PRKCSH: variants seen among roughly 807,000 people sequenced by gnomAD.
PRKCSH encodes PRKCSH beta subunit of glucosidase II.
In PRKCSH, 42 loss-of-function variants were observed where a neutral mutation model predicts 79.7. The observed-to-expected ratio is 0.53, with a 90% CI of 0.41 to 0.68. The LOEUF is 0.68. Ranked by LOEUF, PRKCSH falls within the 30% of genes least tolerant of loss-of-function variation. The pLI is 0.00. For missense variants in PRKCSH, 686 were observed against 709.0 expected (o/e 0.97, Z 0.37); for synonymous variants, 325 against 288.2 (o/e 1.13, Z -1.29).
Position 11,447,463 on chromosome 19 carries a change from C to T in PRKCSH, c.874C>T (p.Pro292Ser), listed in dbSNP as rs1568368823. 17 of 1,613,958 alleles carry T rather than the reference C, an allele frequency of 1.1e-5. No homozygotes were observed. Among genetic ancestry groups the T allele is most frequent in the Non-Finnish European group, 1.3e-5 (15 of 1,180,030 alleles). ...SEALPTDLPAPSAPDLTEPKE... is the reference protein window; with the variant it reads ...SEALPTDLPASSAPDLTEPKE... Reference sequence around the variant, plus strand: ...GGCACTGCCCACCGACCTTCCAGCACCTTCTGCCCCTGACTTGACGGAGCC... The same window carrying T: ...GGCACTGCCCACCGACCTTCCAGCATCTTCTGCCCCTGACTTGACGGAGCC... Residue 292 changes from proline to serine, a missense_variant, in exon 11 of 18, where the codon CCT (proline) becomes TCT (serine). Transcript: ENST00000677123. The surrounding 1 kb of genome is among the most constrained non-coding windows in gnomAD (Gnocchi z 5.6).
chr19:11,450,543 A>G (rs1287804513), intron 17 of PRKCSH, 103 bp from the exon 18 acceptor site: 3 of 152,122 alleles, frequency 2.0e-5, no homozygotes, highest in African/African-American at 7.2e-5. Context: ...CCTGGCCTCA[A>G]ATGATCCTCC....
Position 11,447,461 on chromosome 19 carries a change from C to A in PRKCSH, c.872C>A (p.Ala291Glu). ...CAGGCACTGCCCACCGACCTTCCAG[C>A]ACCTTCTGCCCCTGACTTGACGGAG... ...RSEALPTDLP[A>E]PSAPDLTEPK... Residue 291 changes from alanine to glutamate, a missense_variant, in exon 11 of 18, where the codon GCA becomes GAA. By Grantham distance (107) the Ala-to-Glu change is moderately radical. Coordinates refer to ENST00000677123, the MANE Select transcript of PRKCSH (RefSeq NM_001289104.2). This position sits in a 1 kb window ranked among gnomAD's most constrained non-coding sequence, Gnocchi z 5.6. The A allele has an allele frequency of 6.2e-7, 1 of 1,614,038 alleles. No individual in the cohort carries two copies. The highest frequency in any genetic ancestry group is 8.5e-7 in the Non-Finnish European group (1 of 1,180,038).
chr19:11,447,298 C>A lies in PRKCSH; in HGVS notation c.849+138C>A. 7.5e-7 allele frequency: 1 copy of A among 1,335,126 alleles called. No homozygotes were observed. The highest frequency in any genetic ancestry group is 1.0e-6 in the Non-Finnish European group (1 of 955,704). The allele number at this position is 1,335,126 out of a possible 1,614,324, so 82.7% of individuals were successfully genotyped here. On this transcript the variant is annotated intron_variant, in intron 10 of 17. Coordinates refer to ENST00000677123, the MANE Select transcript of PRKCSH (RefSeq NM_001289104.2). The surrounding 1 kb of genome is among the most constrained non-coding windows in gnomAD (Gnocchi z 5.6). ...GCCCCAGCACCCCCCACCGAGACCC[C>A]CCGACCCCAGCTGTCGGTCCTCCCT... is the stretch of plus-strand genomic sequence containing the variant.
In PRKCSH at chr19:11,449,404, G is replaced by A; in HGVS notation, c.1600G>A (p.Glu534Lys). 6.2e-7 allele frequency: 1 copy of A among 1,613,200 alleles called. No homozygotes were observed. Residue 534 changes from glutamate (E) to lysine (K), a missense_variant, in exon 17 of 18, where the codon GAG becomes AAG. Around this residue, in one of 2 missense-constraint regions of PRKCSH, gnomAD observed 137 missense variants for 188.8 expected, o/e 0.73. Coordinates refer to ENST00000677123, the MANE Select transcript of PRKCSH (RefSeq NM_001289104.2). This position sits in a 1 kb window ranked among gnomAD's most constrained non-coding sequence, Gnocchi z 6.4. Reference sequence around the variant, plus strand: ...AGCACCCACCGAAGACGACCATGACGAGCTCTAGCTGGATGGGCGCAGAGG... The same window carrying A: ...AGCACCCACCGAAGACGACCATGACAAGCTCTAGCTGGATGGGCGCAGAGG... Reference protein sequence around the residue: ...PEAPTEDDHDEL With the variant: ...PEAPTEDDHDKL
chr19:11,448,317 A>C lies in PRKCSH; in HGVS notation c.1196+26A>C, dbSNP rs1431060854. On this transcript the variant is annotated intron_variant, in intron 13 of 17. Transcript: ENST00000677123. This position sits in a 1 kb window ranked among gnomAD's most constrained non-coding sequence, Gnocchi z 4.4. ...GTAGCGGGGGCTGAGGAGCGGGGAC[A>C]CCTGTCCCACAGCGACTGCTCCTTG... 28 of 1,564,248 alleles carry C rather than the reference A, an allele frequency of 1.8e-5. No homozygotes were observed. Among genetic ancestry groups the C allele is most frequent in the Non-Finnish European group, 2.3e-5 (27 of 1,154,274 alleles).
chr19:11,440,145 A>G (rs1195248290), intron 5 of PRKCSH, among the ~76,000 whole-genome samples: 1 of 151,896 alleles, frequency 6.6e-6, no homozygotes. Context: ...GAACACAACC[A>G]ACACACTTCT....
rs769312042 is a variant in PRKCSH, at chr19:11,436,224, A to C, written c.79+28A>C. 83 of 1,588,556 alleles carry C rather than the reference A, an allele frequency of 5.2e-5. No homozygotes were observed. The South Asian group carries it at 8.2e-4, about 16-fold the overall frequency. On this transcript the variant is annotated intron_variant, in intron 2 of 17. Coordinates refer to ENST00000677123, the MANE Select transcript of PRKCSH (RefSeq NM_001289104.2). ...GAGTCCTCCTGTTCACCCTCCCGCCAGGCTGGAGGTGGGAGGGGCCAACAT... is the reference window on the plus strand; with the variant it reads ...GAGTCCTCCTGTTCACCCTCCCGCCCGGCTGGAGGTGGGAGGGGCCAACAT...
chr19:11,440,961 A>C (rs556249610), intron 5 of PRKCSH: 5 of 420,342 alleles, frequency 1.2e-5, no homozygotes, highest in African/African-American at 1.0e-4. Context: ...CACTGCACCC[A>C]GCTGATCTCC....
chr19:11,442,009 C>T (rs1171467581), intron 6 of PRKCSH, among the ~76,000 whole-genome samples: 1 of 152,216 alleles, frequency 6.6e-6, no homozygotes, highest in Non-Finnish European at 1.5e-5. Context: ...CACATGAAAT[C>T]TGTTGGGTAA....
rs773857391 is a variant in PRKCSH at position 11,447,817 on chromosome 19, C to T, written c.1126+28C>T. 29 of 1,535,108 alleles carry T rather than the reference C, an allele frequency of 1.9e-5. No homozygotes were observed. Among genetic ancestry groups the T allele is most frequent in the African/African-American group, 5.5e-5 (4 of 72,786 alleles). ...GAGGGTGGGCGGGGGCCAGGCTCCTCGGGTGGGCCCAGCGTTTCCTGCCGT... is the reference window on the plus strand; with the variant it reads ...GAGGGTGGGCGGGGGCCAGGCTCCTTGGGTGGGCCCAGCGTTTCCTGCCGT... On this transcript the variant is annotated intron_variant, in intron 12 of 17. Transcript: ENST00000677123. The surrounding 1 kb of genome is among the most constrained non-coding windows in gnomAD (Gnocchi z 5.6).
intron 3 of PRKCSH, chr19:11,436,810 A>G (rs1340128257): frequency 7.4e-6 from 3 of 404,894 alleles, no homozygotes; most frequent in African/African-American, 2.1e-5. Context: ...GGGTGGGGCC[A>G]AGAGCAATCC....
In PRKCSH at chr19:11,437,869, C is replaced by G; in HGVS notation, c.197-7C>G. 1 of 1,613,948 alleles carries G rather than the reference C, an allele frequency of 6.2e-7. No homozygotes were observed. Among genetic ancestry groups the G allele is most frequent in the Non-Finnish European group, 8.5e-7 (1 of 1,179,822 alleles). Reference sequence around the variant, plus strand: ...TCCGAAAACCTTCCCTCCCTTCTTCCTCACAGGCACGGCTGCCTGTCCTAA... The same window carrying G: ...TCCGAAAACCTTCCCTCCCTTCTTCGTCACAGGCACGGCTGCCTGTCCTAA... On this transcript the variant is annotated splice_polypyrimidine_tract_variant and splice_region_variant and intron_variant, in intron 3 of 17. Transcript: ENST00000677123.
intron 3 of PRKCSH, 142 bp downstream of exon 3, chr19:11,436,647 A>T: frequency 5.2e-6 from 4 of 762,184 alleles, no homozygotes; most frequent in Non-Finnish European, 8.9e-6. Context: ...GGTCAGTGTT[A>T]TGGCCCCGGG....
intron 6 of PRKCSH, among the ~76,000 whole-genome samples, chr19:11,441,672 C>A (rs1190899562): frequency 6.6e-6 from 1 of 152,118 alleles, no homozygotes; most frequent in Non-Finnish European, 1.5e-5. Flanking sequence ...GTGCCATTGC[C>A]TGTAAGATGG....
chr19:11,448,050 G>A lies in PRKCSH; in HGVS notation c.1127-172G>A, dbSNP rs988086668. The A allele has an allele frequency of 2.4e-5, 19 of 794,640 alleles. No homozygotes were observed. The Admixed American group carries it at 4.5e-4, about 19-fold the overall frequency. The allele number at this position is 794,640 out of a possible 1,614,324, so 49.2% of individuals were successfully genotyped here. On this transcript the variant is annotated intron_variant, in intron 12 of 17. Coordinates refer to ENST00000677123, the MANE Select transcript of PRKCSH (RefSeq NM_001289104.2). The surrounding 1 kb of genome is among the most constrained non-coding windows in gnomAD (Gnocchi z 4.4). Reference sequence around the variant, plus strand: ...ACTCGCTCAGGAGCTGGGAGCCTGGGCAGCAAGTCGGGGCTGCTCTATAGC... The same window carrying A: ...ACTCGCTCAGGAGCTGGGAGCCTGGACAGCAAGTCGGGGCTGCTCTATAGC...
At chr19:11,446,479 G>A in intron 9 of PRKCSH, 129 bp downstream of exon 9, 1 of 1,134,296 alleles carries the variant, frequency 8.8e-7, no homozygotes, top group Non-Finnish European at 1.3e-6. Context: ...GAGCTGGGAT[G>A]GCAGCCACTC....
At position 11,449,394 on chromosome 19, in the gene PRKCSH, C is replaced by T. The variant is rs147203239; in HGVS notation, c.1590C>T (p.Asp530=). Residue 530 remains aspartate (D), a synonymous_variant, in exon 17 of 18, where the codon GAC becomes GAT. Coordinates refer to ENST00000677123, the MANE Select transcript of PRKCSH (RefSeq NM_001289104.2). The surrounding 1 kb of genome is among the most constrained non-coding windows in gnomAD (Gnocchi z 6.4). ...PEPPPEAPTE[D]DHDEL ...CACCGCCTGAAGCACCCACCGAAGA[C>T]GACCATGACGAGCTCTAGCTGGATG... is the stretch of plus-strand genomic sequence containing the variant. The T allele has an allele frequency of 1.2e-3, 1,942 of 1,613,306 alleles. 36 individuals carry two copies. In the South Asian group the frequency reaches 0.02, roughly 16 times the overall value.
chr19:11,440,534 C>T (rs1232466480), intron 5 of PRKCSH, among the ~76,000 whole-genome samples: 1 of 151,622 alleles, frequency 6.6e-6, no homozygotes, highest in Non-Finnish European at 1.5e-5. Context: ...CCAACCTCCA[C>T]ATCCGGGTTC....
intron 3 of PRKCSH, 25 bp from the exon 4 acceptor site, chr19:11,437,851 A>G (rs1599483337): frequency 6.2e-7 from 1 of 1,607,010 alleles, no homozygotes; most frequent in East Asian, 2.2e-5. Flanking sequence ...GACTCCGAAA[A>G]CCTTCCCTCC....
Sources: gnomAD v4.1 joint callset for allele counts (sites outside exome capture counted in the v4.1 genomes callset) on GRCh38, gnomAD v4.1.1 for gene constraint, gnomAD v4.1.1 regional missense constraint, Gnocchi (gnomAD v3.1) non-coding constraint, MANE v1.5 for transcripts, NCBI Gene and HGNC (gene_info 2026-07-23, HGNC 2026-07-21) for gene names.